The following NMT2 variants were observed in gnomAD, a reference collection of about 807,000 sequenced individuals.
NMT2 encodes the protein glycylpeptide N-tetradecanoyltransferase 2.
A neutral mutation model predicts 65.4 loss-of-function variants in NMT2; 35 were observed. The observed-to-expected ratio is 0.54, with a 90% CI of 0.41 to 0.71. The LOEUF (loss-of-function observed/expected upper bound fraction) is 0.71, where lower values mean the gene tolerates loss of function less well. Among genes scored for constraint, NMT2 ranks in the 30% least tolerant of loss-of-function variants. The pLI, the probability that NMT2 is intolerant of heterozygous loss-of-function variation, is 0.00. For missense variants in NMT2, 489 were observed against 611.3 expected (o/e 0.80, Z 2.11); for synonymous variants, 226 against 231.8 (o/e 0.98, Z 0.23).
chr10:15,112,210 ATATATATTTTTTTTTTTTTTTTTTT>A (rs1166062734), intron 10 of NMT2, among the ~76,000 whole-genome samples: 7 of 17,760 alleles, frequency 3.9e-4, no homozygotes, highest in African/African-American at 2.5e-3. Flanking sequence ...ATATATATAT[ATATATATTTTTTTTTTTTTTTTTTT>A]TTTTTTTTTT....
chr10:15,153,093 G>T (rs1456209036), intron 1 of NMT2, among the ~76,000 whole-genome samples: 7 of 151,830 alleles, frequency 4.6e-5, no homozygotes, highest in Non-Finnish European at 1.0e-4. Flanking sequence ...TCTATATATA[G>T]AGAGAGGAGT....
intron 6 of NMT2, among the ~76,000 whole-genome samples, chr10:15,131,941 C>CT (rs1846301280): frequency 6.6e-6 from 1 of 152,090 alleles, no homozygotes; most frequent in East Asian, 1.9e-4. Context: ...TCTTGGCTCA[C>CT]TGCAATCTCT....
chr10:15,159,544 C>T (rs1378347501), intron 1 of NMT2, among the ~76,000 whole-genome samples: 1 of 152,102 alleles, frequency 6.6e-6, no homozygotes, highest in African/African-American at 2.4e-5. Flanking sequence ...AATTCTGCCT[C>T]AGCCTCCCGA....
intron 1 of NMT2, among the ~76,000 whole-genome samples, 199 bp from the exon 2 acceptor site, chr10:15,141,756 T>G (rs559859016): frequency 1.3e-5 from 2 of 152,342 alleles, no homozygotes; most frequent in Admixed American, 6.5e-5. Context: ...CAGCCCCCGC[T>G]CAGTCATCCT....
chr10:15,119,292 A>G lies in NMT2; in HGVS notation c.1170+51T>C, dbSNP rs763470990. 7.1e-6 allele frequency: 11 copies of G among 1,549,150 alleles called. No homozygotes were observed. In the South Asian group the frequency reaches 1.1e-4, roughly 16 times the overall value. ...TGTAAATAATTCTGCTGCACGCTGA[A>G]CACAAAGGGTGCTTCAAGGAGAAGC... On this transcript the variant is annotated intron_variant, in intron 9 of 11. Transcript: ENST00000378165.
rs112077047 is a variant in NMT2 at position 15,121,055 on chromosome 10, C to G, written c.1000-1542G>C. ...CATCACTTTGCTCTCTAGAACTGTT[C>G]AGGGGCCAGGGGACTTGAGACTAAA... On this transcript the variant is annotated intron_variant, in intron 8 of 11. Transcript: ENST00000378165. Among the ~76,000 whole-genome samples, 524 of 152,308 alleles carry G rather than the reference C, an allele frequency of 3.4e-3. 3 individuals carry two copies. The highest frequency in any genetic ancestry group is 0.012 in the African/African-American group (510 of 41,572).
intron 2 of NMT2, chr10:15,139,863 C>CTATATATATATA (rs201561074): frequency 7.2e-5 from 5 of 69,636 alleles, no homozygotes; most frequent in African/African-American, 1.0e-4. Context: ...GTAACAACTA[C>CTATATATATATA]TATATATATA....
intron 9 of NMT2, among the ~76,000 whole-genome samples, chr10:15,116,430 T>C (rs1455769566): frequency 6.6e-6 from 1 of 152,082 alleles, no homozygotes; most frequent in Non-Finnish European, 1.5e-5. Context: ...GCTAAAGCAG[T>C]GCAGAGAGGG....
At position 15,128,474 on chromosome 10, in the gene NMT2, G is replaced by A; in HGVS notation, c.891-16C>T. On this transcript the variant is annotated splice_polypyrimidine_tract_variant and intron_variant, in intron 7 of 11. Coordinates refer to ENST00000378165, the MANE Select transcript of NMT2 (RefSeq NM_004808.3). Reference sequence around the variant, plus strand: ...ATGCCAGTATCTGGAATACAATAAAGGTTTTAAAATCAAATTGATTTCTAA... The same window carrying A: ...ATGCCAGTATCTGGAATACAATAAAAGTTTTAAAATCAAATTGATTTCTAA... The A allele has an allele frequency of 6.9e-7, 1 of 1,454,066 alleles. No homozygotes were observed. Among genetic ancestry groups the A allele is most frequent in the Non-Finnish European group, 9.6e-7 (1 of 1,043,158 alleles). 90.1% of individuals were successfully genotyped at this position (1,454,066 alleles called of 1,614,324 possible).
chr10:15,147,218 G>A (rs1055732794), intron 1 of NMT2, among the ~76,000 whole-genome samples: 2 of 151,220 alleles, frequency 1.3e-5, no homozygotes, highest in Admixed American at 6.6e-5. Context: ...ACCACCAGAG[G>A]GATAACTTAG....
intron 1 of NMT2, chr10:15,155,109 C>A: frequency 6.9e-7 from 1 of 1,458,680 alleles, no homozygotes; most frequent in Non-Finnish European, 9.6e-7. Context: ...GCCACCAGTG[C>A]CATTATGGCA....
At chr10:15,120,624 T>C (rs1228705200) in intron 8 of NMT2, among the ~76,000 whole-genome samples, 2 of 152,186 alleles carry the variant, frequency 1.3e-5, no homozygotes, top group Non-Finnish European at 2.9e-5. Context: ...AACTGCCAAG[T>C]CTGACATTTT....
Position 15,131,312 on chromosome 10 carries a change from C to CT in NMT2, c.720-1001dup, listed in dbSNP as rs764637363. On this transcript the variant is annotated intron_variant, in intron 6 of 11. Transcript: ENST00000378165. The stretch of plus-strand genomic sequence containing the variant: ...AGCTATGGCTCTTTACGTTTCTTTC[C>CT]TTTTTTTTTTTTTTCCTTTTTTGAG... Among the ~76,000 whole-genome samples, 644 of 139,888 alleles carry CT rather than the reference C, an allele frequency of 4.6e-3. 6 individuals carry two copies. The highest frequency in any genetic ancestry group is 0.011 in the African/African-American group (417 of 38,280). 91.8% of individuals were successfully genotyped at this position (139,888 alleles called of 152,430 possible).
At chr10:15,120,295 G>A (rs56203953) in intron 8 of NMT2, among the ~76,000 whole-genome samples, 2,864 of 152,076 alleles carry the variant, frequency 0.019, 83 homozygotes, top group African/African-American at 0.065. Context: ...CTGTCTCTAC[G>A]AAAAATGTAA....
chr10:15,157,080 T>C (rs1833027694), intron 1 of NMT2, among the ~76,000 whole-genome samples: 1 of 152,082 alleles, frequency 6.6e-6, no homozygotes. Flanking sequence ...AGGAAAAAAC[T>C]ATGGGAATTT....
intron 1 of NMT2, chr10:15,155,364 C>T (rs776594291): frequency 3.8e-6 from 3 of 789,134 alleles, no homozygotes; most frequent in Non-Finnish European, 6.4e-6. Context: ...GTCTGCAAAG[C>T]CTTTTTTGTT....
In NMT2 at chr10:15,105,865, TGTA is replaced by T. The variant is rs1335808934; in HGVS notation, c.*3327_*3329del. On this transcript the variant is annotated 3_prime_UTR_variant, in exon 12 of 12. Coordinates refer to ENST00000378165, the MANE Select transcript of NMT2 (RefSeq NM_004808.3). ...AATCTGCTTCAATTATGGAGGCAAA[TGTA>T]GTTATTATTCTATTTAAAAGTGGTT... 3.9e-5 allele frequency among the ~76,000 whole-genome samples: 6 copies of T among 152,086 alleles called. No homozygotes were observed. Among genetic ancestry groups the T allele is most frequent in the African/African-American group, 9.7e-5 (4 of 41,342 alleles).
At position 15,151,061 on chromosome 10, in the gene NMT2, T is replaced by C. The variant is rs112852108; in HGVS notation, c.111-9504A>G. Reference sequence around the variant, plus strand: ...TATTCTATCTCATTAGCTTCCTCCTTTTTTTTTTTTTTTGGAGACGGAGTT... The same window carrying C: ...TATTCTATCTCATTAGCTTCCTCCTCTTTTTTTTTTTTTGGAGACGGAGTT... On this transcript the variant is annotated intron_variant, in intron 1 of 11. Coordinates refer to ENST00000378165, the MANE Select transcript of NMT2 (RefSeq NM_004808.3). 3.4e-3 allele frequency among the ~76,000 whole-genome samples: 498 copies of C among 146,536 alleles called. 5 individuals carry two copies. The highest frequency in any genetic ancestry group is 0.012 in the African/African-American group (483 of 40,350).
intron 10 of NMT2, among the ~76,000 whole-genome samples, chr10:15,110,526 C>G (rs530196104): frequency 6.6e-6 from 1 of 152,252 alleles, no homozygotes; most frequent in African/African-American, 2.4e-5. Context: ...GTGGACCCAG[C>G]TACACAGGAG....
Sources: gnomAD v4.1 joint callset for allele counts (sites outside exome capture counted in the v4.1 genomes callset) on GRCh38, gnomAD v4.1.1 for gene constraint, MANE v1.5 for transcripts, NCBI Gene and HGNC (gene_info 2026-07-23, HGNC 2026-07-21) for gene names.